ODAD3: variants seen among roughly 807,000 people sequenced by gnomAD.
ODAD3 encodes the protein outer dynein arm docking complex subunit 3, also known as outer dynein arm-docking complex subunit 3.
Under a neutral mutation model 70.9 loss-of-function variants are expected in ODAD3, and 57 were observed. That is an observed-to-expected ratio of 0.80 (90% CI 0.65 to 1.00). ODAD3 has a LOEUF of 1.00. Among genes scored for constraint, ODAD3 ranks in the 50% least tolerant of loss-of-function variants. ODAD3 has a pLI of 0.00. For synonymous variants in ODAD3, 327 were observed against 315.9 expected, an observed-to-expected ratio of 1.04 and a Z score of -0.37; for missense variants, 797 against 763.9, an observed-to-expected ratio of 1.04 and a Z score of -0.51.
Position 11,426,857 on chromosome 19 carries a change from C to T in ODAD3, c.612+16G>A. The T allele has an allele frequency of 1.2e-6, 2 of 1,609,984 alleles. No homozygotes were observed. Among genetic ancestry groups the T allele is most frequent in the Non-Finnish European group, 1.7e-6 (2 of 1,177,616 alleles). ...CCCACACGACCCTCTGCCCTGCAGG[C>T]CTCACCCGCCCCTACCTTGGCCACC... On this transcript the variant is annotated intron_variant, in intron 4 of 12. Coordinates refer to ENST00000356392, the MANE Select transcript of ODAD3 (RefSeq NM_145045.5).
At chr19:11,429,820 G>T (rs1969465640) in intron 3 of ODAD3, among the ~76,000 whole-genome samples, 1 of 151,410 alleles carries the variant, frequency 6.6e-6, no homozygotes, top group African/African-American at 2.4e-5. Flanking sequence ...TTACGGGCGT[G>T]AGCCACCGCG....
intron 1 of ODAD3, chr19:11,434,560 A>G: frequency 2.3e-6 from 1 of 439,556 alleles, no homozygotes. Context: ...AATAGAGAAA[A>G]TAAATTACAA....
rs751527535 is a variant in ODAD3, at chr19:11,430,917, C to T, written c.348G>A (p.Lys116=). Residue 116 remains lysine, a synonymous_variant, in exon 2 of 13, where the codon AAG becomes AAA. Transcript: ENST00000356392. Reference sequence around the variant, plus strand: ...CCCTTACCTTGAGCAGGTCCAGCAGCTTTAGTTCCAGTGCCTTAGTCTCCT... The same window carrying T: ...CCCTTACCTTGAGCAGGTCCAGCAGTTTTAGTTCCAGTGCCTTAGTCTCCT... ...LRKETKALEL[K]LLDLLKGDEK... 4 of 1,613,956 alleles carry T rather than the reference C, an allele frequency of 2.5e-6. No homozygotes were observed. The highest frequency in any genetic ancestry group is 3.4e-6 in the Non-Finnish European group (4 of 1,180,030).
At position 11,426,728 on chromosome 19, in the gene ODAD3, G is replaced by C. The variant is rs746431591; in HGVS notation, c.669C>G (p.Ala223=). ...GCAGGTACACGCTGGTAATGTGCTC[G>C]GCCTCCTGCGCCTTCATCTGGGCCT... The part of the protein sequence containing the change: ...LEKAQMKAQE[A]EHITSVYLQL... The change falls in exon 5 of 13, where the codon GCC becomes GCG. Residue 223 remains alanine, a synonymous_variant. Coordinates refer to ENST00000356392, the MANE Select transcript of ODAD3 (RefSeq NM_145045.5). 3 of 1,613,786 alleles carry C rather than the reference G, an allele frequency of 1.9e-6. No homozygotes were observed. The highest frequency in any genetic ancestry group is 2.2e-5 in the South Asian group (2 of 91,052).
Position 11,430,894 on chromosome 19 carries a change from C to A in ODAD3, c.366+5G>T, listed in dbSNP as rs1372916786. 3 of 1,614,094 alleles carry A rather than the reference C, an allele frequency of 1.9e-6. No individual in the cohort carries two copies. Among genetic ancestry groups the A allele is most frequent in the Non-Finnish European group, 2.5e-6 (3 of 1,180,006 alleles). ...GAACCCTACACCCACCCCTTTGCCC[C>A]TTACCTTGAGCAGGTCCAGCAGCTT... On this transcript the variant is annotated splice_donor_5th_base_variant and intron_variant, in intron 2 of 12. Coordinates refer to ENST00000356392, the MANE Select transcript of ODAD3 (RefSeq NM_145045.5).
chr19:11,424,111 G>C, intron 7 of ODAD3, 82 bp from the exon 8 acceptor site: 1 of 1,506,678 alleles, frequency 6.6e-7, no homozygotes, highest in Non-Finnish European at 9.0e-7. Flanking sequence ...ATCCAGATAG[G>C]GGCCCGCGAG....
chr19:11,426,953 G>A lies in ODAD3; in HGVS notation c.532C>T (p.Leu178=), dbSNP rs756725940. 1 of 1,607,020 alleles carries A rather than the reference G, an allele frequency of 6.2e-7. No individual in the cohort carries two copies. The highest frequency in any genetic ancestry group is 8.5e-7 in the Non-Finnish European group (1 of 1,179,338). Residue 178 remains leucine, a synonymous_variant, in exon 4 of 13, where the codon CTG becomes TTG. Coordinates refer to ENST00000356392, the MANE Select transcript of ODAD3 (RefSeq NM_145045.5). ...RHQVVLRQRR[L]EELQLQHSLR... Reference sequence around the variant, plus strand: ...CTGTGCTGCAGCTGGAGCTCCTCCAGCCGCCTCTGCCGCAACACCACCTGG... The same window carrying A: ...CTGTGCTGCAGCTGGAGCTCCTCCAACCGCCTCTGCCGCAACACCACCTGG...
At chr19:11,426,812 G>T (rs752190567) in intron 4 of ODAD3, 28 bp from the exon 5 acceptor site, 2 of 1,613,482 alleles carry the variant, frequency 1.2e-6, no homozygotes, top group Admixed American at 3.3e-5. Flanking sequence ...TGGGCTGAGG[G>T]CCCTCCGCAC....
At chr19:11,424,408 G>C (rs185233367) in intron 7 of ODAD3, among the ~76,000 whole-genome samples, 7 of 151,624 alleles carry the variant, frequency 4.6e-5, no homozygotes, top group Admixed American at 1.3e-4. Context: ...AGGCTGAGGT[G>C]AGAGGATCAC....
rs1270787199 is a variant in ODAD3, at chr19:11,426,853, C to T, written c.612+20G>A. The T allele has an allele frequency of 1.2e-6, 2 of 1,610,614 alleles. No homozygotes were observed. The highest frequency in any genetic ancestry group is 1.7e-6 in the Non-Finnish European group (2 of 1,178,154). ...CCCTCCCACACGACCCTCTGCCCTG[C>T]AGGCCTCACCCGCCCCTACCTTGGC... is the stretch of plus-strand genomic sequence containing the variant. On this transcript the variant is annotated intron_variant, in intron 4 of 12. Transcript: ENST00000356392.
chr19:11,426,001 C>T (rs1969361973), intron 7 of ODAD3, 143 bp downstream of exon 7: 28 of 1,099,562 alleles, frequency 2.5e-5, no homozygotes, highest in Non-Finnish European at 3.3e-5. Context: ...GTCTTCGCAC[C>T]AAGTGGGGGT....
rs1156963559 is a variant in ODAD3, at chr19:11,422,418, C to A, written c.1434+53G>T. The A allele has an allele frequency of 2.0e-6, 3 of 1,472,106 alleles. No individual in the cohort carries two copies. The highest frequency in any genetic ancestry group is 2.5e-5 in the East Asian group (1 of 40,690). 91.2% of individuals were successfully genotyped at this position (1,472,106 alleles called of 1,614,324 possible). On this transcript the variant is annotated intron_variant, in intron 10 of 12. Transcript: ENST00000356392. This position sits in a 1 kb window ranked among gnomAD's most constrained non-coding sequence, Gnocchi z 4.6. ...TGGCAGGAACCCCGCTTCGTGGCTG[C>A]GCCTCTGCGGTCCCAGGAGGGCCTG...
rs1969290779 is a variant in ODAD3, at chr19:11,425,227, GTATATGTACATATGTGTATATATGTA to G, written c.963+891_963+916del. 3.0e-4 allele frequency among the ~76,000 whole-genome samples: 41 copies of G among 135,128 alleles called. 8 individuals carry two copies. Among genetic ancestry groups the G allele is most frequent in the African/African-American group, 1.3e-3 (40 of 31,570 alleles). The allele number at this position is 135,128 out of a possible 152,430, so 88.6% of individuals were successfully genotyped here. A position where few individuals can be genotyped will look rare whatever the true frequency, so the allele number is the denominator to read the frequency against. ...TGTGTACATATGTGTATATATGTGT[GTATATGTACATATGTGTATATATGTA>G]TATGTACATATGTGTATATGTGTGT... On this transcript the variant is annotated intron_variant, in intron 7 of 12. Transcript: ENST00000356392.
chr19:11,420,648 AC>A lies in ODAD3; in HGVS notation c.*186del. 2 of 601,258 alleles carry A rather than the reference AC, an allele frequency of 3.3e-6. No individual in the cohort carries two copies. The highest frequency in any genetic ancestry group is 5.9e-6 in the Non-Finnish European group (2 of 338,758). The allele number at this position is 601,258 out of a possible 1,614,324, so 37.2% of individuals were successfully genotyped here. On this transcript the variant is annotated 3_prime_UTR_variant, in exon 13 of 13. Transcript: ENST00000356392. ...TTGCGCAACTCTGAGGCCGGGGCGG[AC>A]CCAGCTGGGGAGATTTACTGTGGGA...
Position 11,422,122 on chromosome 19 carries a change from G to A in ODAD3, c.1435-290C>T, listed in dbSNP as rs541878606. Among the ~76,000 whole-genome samples, 1 of 152,216 alleles carries A rather than the reference G, an allele frequency of 6.6e-6. No homozygotes were observed. On this transcript the variant is annotated intron_variant, in intron 10 of 12. Transcript: ENST00000356392. The surrounding 1 kb of genome is among the most constrained non-coding windows in gnomAD (Gnocchi z 4.6). ...TCCTGAAGAAATGGCCCTCTGCTGCGGGCAGGATAGGTCTTCTGTCTCGGG... is the reference window on the plus strand; with the variant it reads ...TCCTGAAGAAATGGCCCTCTGCTGCAGGCAGGATAGGTCTTCTGTCTCGGG...
At chr19:11,425,363 A>ATATGTG (rs1491509417) in intron 7 of ODAD3, among the ~76,000 whole-genome samples, 5 of 102,958 alleles carry the variant, frequency 4.9e-5, no homozygotes, top group Admixed American at 1.1e-4. Context: ...GTATATGTAC[A>ATATGTG]TATGTGTATA....
Position 11,420,740 on chromosome 19 carries a change from G to A in ODAD3, c.*95C>T. ...GCCGCCTCCGTTCCCGGTCCGGGCCGCGTTCAGCCCCTGAAGGGGCCCCGT... is the reference window on the plus strand; with the variant it reads ...GCCGCCTCCGTTCCCGGTCCGGGCCACGTTCAGCCCCTGAAGGGGCCCCGT... On this transcript the variant is annotated 3_prime_UTR_variant, in exon 13 of 13. Coordinates refer to ENST00000356392, the MANE Select transcript of ODAD3 (RefSeq NM_145045.5). The A allele has an allele frequency of 9.1e-7, 1 of 1,093,316 alleles. No homozygotes were observed. Among genetic ancestry groups the A allele is most frequent in the Non-Finnish European group, 1.4e-6 (1 of 732,816 alleles). The allele number at this position is 1,093,316 out of a possible 1,614,324, so 67.7% of individuals were successfully genotyped here.
At chr19:11,430,441 A>C in intron 3 of ODAD3, 1 of 513,328 alleles carries the variant, frequency 1.9e-6, no homozygotes. Context: ...CCTGGCTGTG[A>C]TGTTTTTTTT....
rs749196023 is a variant in ODAD3, at chr19:11,434,918, C to T, written c.99G>A (p.Ser33=). The change falls in exon 1 of 13, where the codon TCG becomes TCA. Residue 33 remains serine, a synonymous_variant. Transcript: ENST00000356392. ...PSSRVKGREA[S]GKPSHLRGKG... is the part of the protein sequence containing the mutation. ...TGCCTCGGAGGTGGCTGGGTTTGCC[C>T]GAAGCCTCCCTGCCCTTGACCCTGG... The T allele has an allele frequency of 1.2e-5, 19 of 1,614,110 alleles. No homozygotes were observed. Among genetic ancestry groups the T allele is most frequent in the Non-Finnish European group, 1.5e-5 (18 of 1,180,040 alleles).
Sources: gnomAD v4.1 joint callset for allele counts (sites outside exome capture counted in the v4.1 genomes callset) on GRCh38, gnomAD v4.1.1 for gene constraint, Gnocchi (gnomAD v3.1) non-coding constraint, MANE v1.5 for transcripts, NCBI Gene and HGNC (gene_info 2026-07-23, HGNC 2026-07-21) for gene names.